The following SORBS2 variants were observed in gnomAD, a reference collection of about 807,000 sequenced individuals.
The protein encoded by SORBS2 is sorbin and SH3 domain containing 2.
A neutral mutation model predicts 97.7 loss-of-function variants in SORBS2; 46 were observed. That is an observed-to-expected ratio of 0.47 (90% CI 0.37 to 0.60). SORBS2 has a LOEUF of 0.60. Among genes scored for constraint, SORBS2 ranks in the 20% least tolerant of loss-of-function variants. The probability of loss-of-function intolerance (pLI) is 0.00; values close to 1 mark genes in which losing one functional copy is unlikely to be tolerated. For synonymous variants in SORBS2, 476 were observed against 473.4 expected (o/e 1.01, Z -0.07); for missense variants, 1,316 against 1,282.3 (o/e 1.03, Z -0.40).
chr4:185,797,648 C>G (rs1402160055), intron 1 of SORBS2, among the ~76,000 whole-genome samples: 1 of 152,278 alleles, frequency 6.6e-6, no homozygotes, highest in Admixed American at 6.5e-5. Context: ...ATTATCTCTT[C>G]CCCCTAAGTA....
intron 1 of SORBS2, among the ~76,000 whole-genome samples, chr4:185,925,131 G>A (rs899664463): frequency 1.3e-5 from 2 of 152,216 alleles, no homozygotes; most frequent in East Asian, 1.9e-4. Context: ...GGTTTTGTTT[G>A]CATCTATGAC....
intron 13 of SORBS2, chr4:185,592,645 T>G (rs1441386432): frequency 2.0e-5 from 3 of 153,098 alleles, no homozygotes; most frequent in African/African-American, 7.2e-5. Flanking sequence ...AGCCTTGATC[T>G]CCCTGGCCCA....
At chr4:185,931,915 A>T (rs1223998425) in intron 1 of SORBS2, among the ~76,000 whole-genome samples, 1 of 151,336 alleles carries the variant, frequency 6.6e-6, no homozygotes, top group Non-Finnish European at 1.5e-5. Flanking sequence ...AAAGTGAGTA[A>T]AAGTGTGTGG....
chr4:185,950,248 C>CA (rs10655336), intron 1 of SORBS2, among the ~76,000 whole-genome samples: 107,450 of 147,192 alleles, frequency 0.73, 39,285 homozygotes, highest in East Asian at 0.92. Context: ...AAGACTGTCT[C>CA]AAAAAAAAAA....
chr4:185,864,970 G>A (rs1054905988), intron 1 of SORBS2, among the ~76,000 whole-genome samples: 2 of 151,944 alleles, frequency 1.3e-5, no homozygotes, highest in African/African-American at 2.4e-5. Flanking sequence ...ACTGAGAATG[G>A]GGGAAGGATG....
At chr4:185,874,684 A>G (rs1178102578) in intron 1 of SORBS2, among the ~76,000 whole-genome samples, 3 of 152,120 alleles carry the variant, frequency 2.0e-5, no homozygotes, top group Non-Finnish European at 2.9e-5. Context: ...ACTGTAAATA[A>G]ACTCTGCTGT....
At chr4:185,857,278 A>C (rs1247050725) in intron 1 of SORBS2, among the ~76,000 whole-genome samples, 2 of 152,270 alleles carry the variant, frequency 1.3e-5, no homozygotes, top group South Asian at 2.1e-4. Flanking sequence ...TCTGAACATA[A>C]ATTGTGAAGA....
At chr4:185,872,807 C>T (rs1355439269) in intron 1 of SORBS2, among the ~76,000 whole-genome samples, 2 of 152,202 alleles carry the variant, frequency 1.3e-5, no homozygotes, top group African/African-American at 4.8e-5. Flanking sequence ...AGGCCTTTCT[C>T]CCATGCAATG....
intron 1 of SORBS2, among the ~76,000 whole-genome samples, chr4:185,839,624 T>C (rs749066099): frequency 6.6e-6 from 1 of 152,220 alleles, no homozygotes; most frequent in South Asian, 2.1e-4. Flanking sequence ...AATTTGTTTA[T>C]AGTGCTGTAA....
intron 2 of SORBS2, among the ~76,000 whole-genome samples, chr4:185,703,226 T>C (rs1252549579): frequency 6.6e-6 from 1 of 152,254 alleles, no homozygotes; most frequent in African/African-American, 2.4e-5. Flanking sequence ...GAATCCATTT[T>C]ATAAATCTGC....
rs1181008953 is a variant in SORBS2 at position 185,709,320 on chromosome 4, T to TTTTTTTTTTTTTTTC, written c.-197-30499_-197-30498insGAAAAAAAAAAAAAA. ...TGGCCAAATCTTTTTTTTTTTTTTT[T>TTTTTTTTTTTTTTTC]TTTTAGTAAAAGGAAACTAAAGTTA... On this transcript the variant is annotated intron_variant, in intron 2 of 20. Coordinates refer to the SORBS2 transcript ENST00000284776. Among the ~76,000 whole-genome samples, 13 of 140,974 alleles carry TTTTTTTTTTTTTTTC rather than the reference T, an allele frequency of 9.2e-5. 1 individual carries two copies. Among genetic ancestry groups the TTTTTTTTTTTTTTTC allele is most frequent in the African/African-American group, 3.2e-4 (12 of 37,722 alleles). The allele number at this position is 140,974 out of a possible 152,430, so 92.5% of individuals were successfully genotyped here. A position where few individuals can be genotyped will look rare whatever the true frequency, so the allele number is the denominator to read the frequency against.
intron 4 of SORBS2, among the ~76,000 whole-genome samples, chr4:185,633,766 T>G (rs2096946556): frequency 6.6e-6 from 1 of 150,930 alleles, no homozygotes; most frequent in South Asian, 2.1e-4. Flanking sequence ...TTTGGACTTA[T>G]TTCTTAAAAT....
At chr4:185,928,366 T>C (rs1033668942) in intron 1 of SORBS2, among the ~76,000 whole-genome samples, 10 of 152,076 alleles carry the variant, frequency 6.6e-5, no homozygotes, top group African/African-American at 2.2e-4. Context: ...ACCCTGTTGT[T>C]GCACTCCAGC....
At chr4:185,870,044 T>C (rs1249002341) in intron 1 of SORBS2, among the ~76,000 whole-genome samples, 2 of 152,206 alleles carry the variant, frequency 1.3e-5, no homozygotes, top group East Asian at 3.8e-4. Flanking sequence ...TTCAACCAAC[T>C]GTACTGTAAA....
chr4:185,803,039 C>T (rs1447190079), intron 1 of SORBS2, among the ~76,000 whole-genome samples: 6 of 152,172 alleles, frequency 3.9e-5, no homozygotes, highest in Non-Finnish European at 8.8e-5. Context: ...CTCAAAAGCT[C>T]TAGTGGTTCA....
At chr4:185,797,788 G>A (rs1422082479) in intron 1 of SORBS2, among the ~76,000 whole-genome samples, 7 of 152,044 alleles carry the variant, frequency 4.6e-5, no homozygotes, top group Admixed American at 2.0e-4. Flanking sequence ...CCCCACGCCC[G>A]GTTCTCCCTA....
At chr4:185,741,404 G>C (rs76395452) in intron 2 of SORBS2, among the ~76,000 whole-genome samples, 1 of 111,666 alleles carries the variant, frequency 9.0e-6, no homozygotes, top group African/African-American at 3.5e-5. Context: ...TTTTTTTTTT[G>C]TTTTTTTTTT....
chr4:185,719,087 C>T lies in SORBS2; in HGVS notation c.-197-40265G>A, dbSNP rs1344740174. 2.7e-5 allele frequency among the ~76,000 whole-genome samples: 4 copies of T among 150,892 alleles called. No homozygotes were observed. The South Asian group carries it at 8.4e-4, about 32-fold the overall frequency. On this transcript the variant is annotated intron_variant, in intron 2 of 20. Coordinates refer to the SORBS2 transcript ENST00000284776. ...ATAGAATCTGGTTTTAAAAAAAAAT[C>T]GGTGTACCTGTTCTCTGTTGTATAA...
At position 185,603,061 on chromosome 4, in the gene SORBS2, C is replaced by A. The variant is rs116524111; in HGVS notation, c.2796+8719G>T. 5.0e-3 allele frequency among the ~76,000 whole-genome samples: 759 copies of A among 152,288 alleles called. 8 individuals are homozygous for A. Among genetic ancestry groups the A allele is most frequent in the African/African-American group, 0.017 (701 of 41,562 alleles). On this transcript the variant is annotated intron_variant, in intron 12 of 14. Coordinates refer to ENST00000418609, the Ensembl canonical transcript of SORBS2. ...AATACCTCCATTCTCTCATGTCATT[C>A]TGCAAACAACGGAAACTTAAAGAAT... is the stretch of plus-strand genomic sequence containing the variant.
Sources: allele counts gnomAD v4.1 joint callset (sites outside exome capture counted in the v4.1 genomes callset), GRCh38; gene constraint gnomAD v4.1.1; transcripts MANE v1.5; gene names NCBI Gene and HGNC (gene_info 2026-07-23, HGNC 2026-07-21).